Variants in MAL2 observed in about 807,000 individuals in gnomAD.
The protein encoded by MAL2 is mal, T cell differentiation protein 2.
A neutral mutation model predicts 18.1 loss-of-function variants in MAL2; 17 were observed. That is an observed-to-expected ratio of 0.94 (90% CI 0.64 to 1.41). The LOEUF (loss-of-function observed/expected upper bound fraction) is 1.41. MAL2 is among the 40% of genes most tolerant of loss of function. The pLI is 0.00. For synonymous variants in MAL2, 102 were observed against 102.3 expected (o/e 1.00, Z 0.02); for missense variants, 222 against 231.9 (o/e 0.96, Z 0.28).
intron 2 of MAL2, among the ~76,000 whole-genome samples, chr8:119,237,306 A>C (rs1817928680): frequency 6.6e-6 from 1 of 151,450 alleles, no homozygotes; most frequent in African/African-American, 2.4e-5. Context: ...ATAGTTTACC[A>C]ACCAAAAAGA....
At chr8:119,219,554 T>TCA (rs1563769977) in intron 1 of MAL2, among the ~76,000 whole-genome samples, 1 of 145,112 alleles carries the variant, frequency 6.9e-6, no homozygotes, top group African/African-American at 2.5e-5. Flanking sequence ...TGTGTGTGTG[T>TCA]GAGAGAGAGA....
intron 1 of MAL2, among the ~76,000 whole-genome samples, chr8:119,214,734 T>C (rs1021797622): frequency 2.0e-5 from 3 of 152,232 alleles, no homozygotes; most frequent in Non-Finnish European, 4.4e-5. Flanking sequence ...TAACTCTCTA[T>C]AGCACTCTCA....
rs367558274 is a variant in MAL2, at chr8:119,243,460, G to T, written c.503G>T (p.Gly168Val). ...MTTACYGCSL[G>V]LALRRWRP ...ACAGCTTGTTATGGTTGCAGTTTGG[G>T]TCTGGCTTTACGAAGATGGCGACCG... Residue 168 changes from glycine (G) to valine (V), a missense_variant, in exon 4 of 4, where the codon GGT becomes GTT. Transcript: ENST00000614891. The T allele has an allele frequency of 2.9e-5, 47 of 1,601,984 alleles. No homozygotes were observed. The highest frequency in any genetic ancestry group is 4.0e-5 in the Non-Finnish European group (47 of 1,173,558).
chr8:119,231,357 A>G lies in MAL2; in HGVS notation c.304-8808A>G, dbSNP rs932621314. 3.3e-5 allele frequency among the ~76,000 whole-genome samples: 5 copies of G among 152,224 alleles called. No homozygotes were observed. In the South Asian group the frequency reaches 8.3e-4, roughly 25 times the overall value. On this transcript the variant is annotated intron_variant, in intron 2 of 3. Transcript: ENST00000614891. ...AGATATGAGAACAATTTCTATAAAC[A>G]GTATGATTTGCTGTATGGGCATTTA...
At chr8:119,230,356 G>A (rs1177988481) in intron 2 of MAL2, among the ~76,000 whole-genome samples, 1 of 152,074 alleles carries the variant, frequency 6.6e-6, no homozygotes. Context: ...GGAAGAAATA[G>A]GATTGGACAG....
chr8:119,239,071 A>G (rs1817984709), intron 2 of MAL2, among the ~76,000 whole-genome samples: 1 of 152,116 alleles, frequency 6.6e-6, no homozygotes, highest in South Asian at 2.1e-4. Flanking sequence ...AACTCAAACA[A>G]ATTTACAAGA....
At chr8:119,239,877 G>A (rs1050414215) in intron 2 of MAL2, among the ~76,000 whole-genome samples, 1 of 152,126 alleles carries the variant, frequency 6.6e-6, no homozygotes, top group African/African-American at 2.4e-5. Context: ...TGCACATTGT[G>A]CACATGTACC....
chr8:119,213,645 C>T (rs1458752258), intron 1 of MAL2, among the ~76,000 whole-genome samples: 2 of 151,858 alleles, frequency 1.3e-5, no homozygotes, highest in Non-Finnish European at 2.9e-5. Context: ...ATGGTGAAAC[C>T]CCCATCTCTA....
At chr8:119,224,844 C>G (rs1817550905) in intron 2 of MAL2, among the ~76,000 whole-genome samples, 1 of 152,178 alleles carries the variant, frequency 6.6e-6, no homozygotes, top group African/African-American at 2.4e-5. Flanking sequence ...TAACGGCCTC[C>G]AGCTCCATCC....
At position 119,208,787 on chromosome 8, in the gene MAL2, A is replaced by ACGCGG; in HGVS notation, c.132+183_132+184insCGCGG. 1 of 968,800 alleles carries ACGCGG rather than the reference A, an allele frequency of 1.0e-6. No homozygotes were observed. The highest frequency in any genetic ancestry group is 3.5e-5 in the East Asian group (1 of 28,970). The allele number at this position is 968,800 out of a possible 1,614,324, so 60.0% of individuals were successfully genotyped here. ...CGCCGCCGCCCGGGCCCTCCCTCCT[A>ACGCGG]GCACCTGTTACGCGGGCACCTGCTC... On this transcript the variant is annotated intron_variant, in intron 1 of 3. Transcript: ENST00000614891. The surrounding 1 kb of genome is among the most constrained non-coding windows in gnomAD (Gnocchi z 4.3).
chr8:119,224,028 A>G (rs1345591487), intron 2 of MAL2: 1 of 152,210 alleles, frequency 6.6e-6, no homozygotes, highest in Non-Finnish European at 1.5e-5. Context: ...ACTTTAGACC[A>G]TACTTGAAGG....
chr8:119,234,426 GC>G (rs1411913017), intron 2 of MAL2, among the ~76,000 whole-genome samples: 1 of 152,236 alleles, frequency 6.6e-6, no homozygotes, highest in African/African-American at 2.4e-5. Flanking sequence ...AAACAAAGCA[GC>G]CCGGAAGCTC....
intron 1 of MAL2, among the ~76,000 whole-genome samples, chr8:119,217,432 G>T (rs992754735): frequency 1.3e-5 from 2 of 152,198 alleles, no homozygotes; most frequent in African/African-American, 4.8e-5. Context: ...CTACTCCTAG[G>T]AGGTTTTTAC....
intron 3 of MAL2, among the ~76,000 whole-genome samples, chr8:119,240,933 G>A (rs761317717): frequency 8.5e-5 from 13 of 152,056 alleles, no homozygotes; most frequent in Non-Finnish European, 1.5e-4. Context: ...TTGTCATTTT[G>A]TGTAGATAAT....
rs1431097965 is a variant in MAL2, at chr8:119,245,665, A to G, written c.*2177A>G. On this transcript the variant is annotated 3_prime_UTR_variant, in exon 4 of 4. Coordinates refer to ENST00000614891, the MANE Select transcript of MAL2 (RefSeq NM_052886.3). ...GTGTTATGTCTCTAATAAAGTATTC[A>G]TTTGATAATCTTTGTGGTCATCTTT... 6.6e-6 allele frequency: 1 copy of G among 152,200 alleles called. No individual in the cohort carries two copies. Among genetic ancestry groups the G allele is most frequent in the African/African-American group, 2.4e-5 (1 of 41,454 alleles). The allele number at this position is 152,200 out of a possible 1,614,324, so 9.4% of individuals were successfully genotyped here.
chr8:119,243,377 G>A (rs555120735), intron 3 of MAL2, 40 bp from the exon 4 acceptor site: 21 of 1,504,022 alleles, frequency 1.4e-5, no homozygotes, highest in South Asian at 1.1e-4. Flanking sequence ...ATAAGTCGGT[G>A]TTGTAAATCT....
At chr8:119,224,959 C>T (rs1817553450) in intron 2 of MAL2, among the ~76,000 whole-genome samples, 1 of 152,064 alleles carries the variant, frequency 6.6e-6, no homozygotes, top group African/African-American at 2.4e-5. Context: ...TATTCTTGTT[C>T]TCATTTTTAC....
At position 119,244,155 on chromosome 8, in the gene MAL2, A is replaced by G. The variant is rs1452612264; in HGVS notation, c.*667A>G. 1.3e-5 allele frequency: 2 copies of G among 152,186 alleles called. No homozygotes were observed. Among genetic ancestry groups the G allele is most frequent in the Non-Finnish European group, 2.9e-5 (2 of 68,034 alleles). The allele number at this position is 152,186 out of a possible 1,614,324, so 9.4% of individuals were successfully genotyped here. On this transcript the variant is annotated 3_prime_UTR_variant, in exon 4 of 4. Transcript: ENST00000614891. ...ACCACTGGTGTAAAACCTTAGTTAT[A>G]TATGATCTGCATTTTCTTGAACTGA...
intron 2 of MAL2, among the ~76,000 whole-genome samples, chr8:119,229,311 CTCTTT>C (rs781506107): frequency 1.5e-5 from 1 of 64,942 alleles, no homozygotes; most frequent in African/African-American, 5.2e-5. Context: ...CACTGTGGGC[CTCTTT>C]TTTTTTTTTT....
Sources: gnomAD v4.1 joint callset for allele counts (sites outside exome capture counted in the v4.1 genomes callset) on GRCh38, gnomAD v4.1.1 for gene constraint, Gnocchi (gnomAD v3.1) non-coding constraint, MANE v1.5 for transcripts, NCBI Gene and HGNC (gene_info 2026-07-23, HGNC 2026-07-21) for gene names.